The following RGS7 variants were observed in gnomAD, a reference collection of about 807,000 sequenced individuals.
RGS7 encodes the protein regulator of G protein signaling 7.
Under a neutral mutation model 81.1 loss-of-function variants are expected in RGS7, and 27 were observed. The observed-to-expected ratio is 0.33, with a 90% CI of 0.25 to 0.46. The LOEUF (loss-of-function observed/expected upper bound fraction) is 0.46. Ranked by LOEUF, RGS7 falls within the 20% of genes least tolerant of loss-of-function variation. RGS7 has a pLI of 1.00. For synonymous variants in RGS7, 208 were observed against 207.7 expected, an observed-to-expected ratio of 1.00 and a Z score of -0.01; for missense variants, 396 against 607.4, an observed-to-expected ratio of 0.65 and a Z score of 3.66.
chr1:241,319,800 A>G (rs1171911073), intron 2 of RGS7, among the ~76,000 whole-genome samples: 1 of 152,154 alleles, frequency 6.6e-6, no homozygotes, highest in Non-Finnish European at 1.5e-5. Flanking sequence ...TTTGTTTTTA[A>G]AAAGTTCGAA....
chr1:240,931,756 T>C (rs1030154080), intron 5 of RGS7, among the ~76,000 whole-genome samples: 1 of 152,188 alleles, frequency 6.6e-6, no homozygotes, highest in African/African-American at 2.4e-5. Flanking sequence ...CCAGATTCTG[T>C]AGAATCTAGA....
chr1:241,203,834 T>C (rs1332236233), intron 2 of RGS7, among the ~76,000 whole-genome samples: 1 of 152,332 alleles, frequency 6.6e-6, no homozygotes, highest in East Asian at 1.9e-4. Flanking sequence ...ATAATGAAGA[T>C]ACAGTTATAA....
intron 2 of RGS7, among the ~76,000 whole-genome samples, chr1:241,194,923 GAT>G (rs1383533542): frequency 6.6e-6 from 1 of 152,172 alleles, no homozygotes. Flanking sequence ...AAAGACTTAG[GAT>G]ATCACTCTGC....
chr1:241,355,637 G>T, intron 2 of RGS7, 62 bp downstream of exon 2: 2 of 1,433,716 alleles, frequency 1.4e-6, no homozygotes, highest in Non-Finnish European at 2.0e-6. Flanking sequence ...TGATCTAGAG[G>T]GGGAAAAAAA....
At chr1:241,129,607 C>A (rs1005364128) in intron 2 of RGS7, among the ~76,000 whole-genome samples, 2 of 152,166 alleles carry the variant, frequency 1.3e-5, no homozygotes, top group Non-Finnish European at 2.9e-5. Context: ...AGCCAATAAT[C>A]ACCGGCAGAG....
rs368553608 is a variant in RGS7 at position 240,829,311 on chromosome 1, G to A, written c.610-2139C>T. Among the ~76,000 whole-genome samples, 70 of 152,162 alleles carry A rather than the reference G, an allele frequency of 4.6e-4. 1 individual carries two copies. The highest frequency in any genetic ancestry group is 1.2e-3 in the African/African-American group (50 of 41,512). ...AGGAGGGAGGAAGGGCACCCAGCTG[G>A]GTGGGACTAATTTCCTAAGTGACAC... On this transcript the variant is annotated intron_variant, in intron 9 of 18. Transcript: ENST00000440928.
At chr1:241,215,161 T>C (rs1291727929) in intron 2 of RGS7, among the ~76,000 whole-genome samples, 1 of 152,244 alleles carries the variant, frequency 6.6e-6, no homozygotes, top group Non-Finnish European at 1.5e-5. Flanking sequence ...GTATTGAGTC[T>C]TGTACTAGCA....
intron 2 of RGS7, among the ~76,000 whole-genome samples, chr1:241,252,446 C>T (rs568749712): frequency 6.6e-6 from 1 of 152,314 alleles, no homozygotes; most frequent in African/African-American, 2.4e-5. Flanking sequence ...ACTCACCTTG[C>T]CCCTGAGCTG....
chr1:240,820,502 GT>G (rs1363067702), intron 10 of RGS7, among the ~76,000 whole-genome samples: 4 of 151,884 alleles, frequency 2.6e-5, no homozygotes, highest in African/African-American at 9.7e-5. Flanking sequence ...TGGTCTGAAT[GT>G]TTGTGTCTCT....
chr1:241,060,475 C>T lies in RGS7; in HGVS notation c.175+38191G>A, dbSNP rs189241948. ...ATCAATCAACCTTTTTTTTCTCCCCCCAACTTCCACTCCCAGTTTTCCTCT... is the reference window on the plus strand; with the variant it reads ...ATCAATCAACCTTTTTTTTCTCCCCTCAACTTCCACTCCCAGTTTTCCTCT... On this transcript the variant is annotated intron_variant, in intron 3 of 18. Coordinates refer to ENST00000440928, the MANE Select transcript of RGS7 (RefSeq NM_001364886.1). Among the ~76,000 whole-genome samples, 794 of 152,104 alleles carry T rather than the reference C, an allele frequency of 5.2e-3. 11 individuals are homozygous for T. The highest frequency in any genetic ancestry group is 0.019 in the African/African-American group (774 of 41,518).
intron 2 of RGS7, among the ~76,000 whole-genome samples, chr1:241,268,094 A>T (rs1053604588): frequency 5.3e-5 from 8 of 152,172 alleles, no homozygotes; most frequent in Admixed American, 1.3e-4. Flanking sequence ...TTAAGGTTGG[A>T]TGACTGGGCA....
intron 3 of RGS7, among the ~76,000 whole-genome samples, chr1:240,991,471 T>A (rs556720876): frequency 6.6e-6 from 1 of 152,260 alleles, no homozygotes; most frequent in South Asian, 2.1e-4. Context: ...CAGAGAAACA[T>A]CACGTCTGCC....
At chr1:241,306,592 A>C (rs2080167949) in intron 2 of RGS7, among the ~76,000 whole-genome samples, 1 of 151,656 alleles carries the variant, frequency 6.6e-6, no homozygotes, top group Admixed American at 6.6e-5. Context: ...AAACCCTTAC[A>C]CACACACCTT....
At chr1:241,298,474 C>T (rs745319574) in intron 2 of RGS7, among the ~76,000 whole-genome samples, 7 of 152,198 alleles carry the variant, frequency 4.6e-5, no homozygotes, top group African/African-American at 7.2e-5. Flanking sequence ...CTACACATAA[C>T]CACTTCAGGA....
At chr1:241,104,364 T>C (rs1300843214) in intron 2 of RGS7, among the ~76,000 whole-genome samples, 4 of 152,242 alleles carry the variant, frequency 2.6e-5, no homozygotes, top group African/African-American at 7.2e-5. Context: ...GCTCTGTCTT[T>C]GATTTCCTGT....
At chr1:240,951,782 A>G (rs1679601560) in intron 4 of RGS7, among the ~76,000 whole-genome samples, 1 of 152,124 alleles carries the variant, frequency 6.6e-6, no homozygotes, top group Admixed American at 6.5e-5. Context: ...AACAAATGCC[A>G]CACTACACTC....
chr1:241,311,046 T>C (rs1256091139), intron 2 of RGS7, among the ~76,000 whole-genome samples: 1 of 152,242 alleles, frequency 6.6e-6, no homozygotes, highest in Non-Finnish European at 1.5e-5. Flanking sequence ...TTGTCATCTT[T>C]TGATTCCTCG....
intron 10 of RGS7, among the ~76,000 whole-genome samples, chr1:240,821,527 T>A (rs892462505): frequency 6.6e-6 from 1 of 152,242 alleles, no homozygotes; most frequent in Non-Finnish European, 1.5e-5. Context: ...ACTATACCCT[T>A]TACTTGACAC....
intron 4 of RGS7, among the ~76,000 whole-genome samples, chr1:240,944,879 A>T (rs1678339780): frequency 6.6e-6 from 1 of 152,180 alleles, no homozygotes; most frequent in Non-Finnish European, 1.5e-5. Context: ...ACGCCCGGCT[A>T]ATTTTTGTAT....
Sources: gnomAD v4.1 joint callset for allele counts (sites outside exome capture counted in the v4.1 genomes callset) on GRCh38, gnomAD v4.1.1 for gene constraint, MANE v1.5 for transcripts, NCBI Gene and HGNC (gene_info 2026-07-23, HGNC 2026-07-21) for gene names.